Variants in VPS13D observed in about 807,000 individuals in gnomAD.
VPS13D encodes the protein vacuolar protein sorting 13 homolog D.
A neutral mutation model predicts 461.9 loss-of-function variants in VPS13D; 187 were observed. The ratio of observed to expected loss-of-function variants is 0.40; its 90% CI spans 0.36 to 0.46. The LOEUF is 0.46. Ranked by LOEUF, VPS13D falls within the 20% of genes least tolerant of loss-of-function variation. VPS13D has a pLI of 0.60. For synonymous variants in VPS13D, 1,951 were observed against 1,986.3 expected (o/e 0.98, Z 0.47); for missense variants, 4,711 against 5,364.9 (o/e 0.88, Z 3.81).
At chr1:12,400,724 G>A (rs532547290) in intron 61 of VPS13D, among the ~76,000 whole-genome samples, 30 of 152,222 alleles carry the variant, frequency 2.0e-4, no homozygotes, top group South Asian at 1.9e-3. Context: ...AGGCTAAGGC[G>A]GGTGGATCTC....
rs1340422710 is a variant in VPS13D at position 12,282,740 on chromosome 1, A to G, written c.4638A>G (p.Leu1546=). Residue 1546 remains leucine (L), a synonymous_variant, in exon 21 of 70, where the codon TTA becomes TTG. Coordinates refer to ENST00000620676, the MANE Select transcript of VPS13D (RefSeq NM_015378.4). The part of the protein sequence containing the change: ...VLAKHVYEQV[L]QTLDNLVYSE... ...CAAAGCATGTATATGAGCAGGTTTT[A>G]CAAACCCTGGACAATCTCGTGTACA... 1 of 1,612,126 alleles carries G rather than the reference A, an allele frequency of 6.2e-7. No homozygotes were observed. Among genetic ancestry groups the G allele is most frequent in the African/African-American group, 1.3e-5 (1 of 75,002 alleles).
At position 12,356,353 on chromosome 1, in the gene VPS13D, A is replaced by T. The variant is rs374762482; in HGVS notation, c.9872-45A>T. 161 of 1,580,614 alleles carry T rather than the reference A, an allele frequency of 1.0e-4. No individual in the cohort carries two copies. In the African/African-American group the frequency reaches 2.0e-3, roughly 19 times the overall value. On this transcript the variant is annotated intron_variant, in intron 48 of 69. Transcript: ENST00000620676. ...CATTCACCATTTGCATCTCTTTCAG[A>T]TAGACTGGGTGGTATTGATGTAAAC...
intron 40 of VPS13D, 92 bp from the exon 41 acceptor site, chr1:12,341,688 G>A: frequency 2.7e-6 from 3 of 1,124,904 alleles, no homozygotes; most frequent in Non-Finnish European, 3.9e-6. Flanking sequence ...CTTTGCACAA[G>A]AGACAAATTT....
chr1:12,381,930 C>CTTTTCT (rs1644281516), intron 57 of VPS13D, among the ~76,000 whole-genome samples: 2 of 78,548 alleles, frequency 2.5e-5, no homozygotes, highest in Admixed American at 1.4e-4. Flanking sequence ...TCTTTTCTTT[C>CTTTTCT]TTTCTTTCTT....
chr1:12,489,420 A>G (rs142782868), intron 67 of VPS13D, among the ~76,000 whole-genome samples: 3 of 152,246 alleles, frequency 2.0e-5, no homozygotes, highest in African/African-American at 7.2e-5. Context: ...AACAATATCA[A>G]TATAATTTCT....
rs1286286283 is a variant in VPS13D at position 12,435,230 on chromosome 1, G to A, written c.12333+18403G>A. On this transcript the variant is annotated intron_variant, in intron 65 of 69. Transcript: ENST00000620676. ...TACTAATATTTTGGGAGACTGAGGT[G>A]AGCAGATTGCTTGAACTCAGGAGTT... is the stretch of plus-strand genomic sequence containing the variant. Among the ~76,000 whole-genome samples the A allele has an allele frequency of 3.3e-5, 5 of 151,666 alleles. No individual in the cohort carries two copies. In the East Asian group the frequency reaches 9.7e-4, roughly 29 times the overall value.
At chr1:12,452,015 A>G (rs2100383687) in intron 65 of VPS13D, among the ~76,000 whole-genome samples, 1 of 152,320 alleles carries the variant, frequency 6.6e-6, no homozygotes, top group East Asian at 1.9e-4. Context: ...GTGATCTCAT[A>G]GCTGTTGGGT....
At chr1:12,246,229 C>G (rs1283923400) in intron 5 of VPS13D, among the ~76,000 whole-genome samples, 2 of 152,198 alleles carry the variant, frequency 1.3e-5, no homozygotes, top group Non-Finnish European at 1.5e-5. Flanking sequence ...AGGATTCTAT[C>G]CTCCCTCAGA....
chr1:12,431,297 A>T (rs1344612131), intron 65 of VPS13D, among the ~76,000 whole-genome samples: 3 of 152,086 alleles, frequency 2.0e-5, no homozygotes, highest in Admixed American at 6.5e-5. Context: ...AATCGCTGAT[A>T]TTCAGTAGAA....
At chr1:12,388,828 C>T (rs80185310) in intron 60 of VPS13D, among the ~76,000 whole-genome samples, 4,311 of 151,948 alleles carry the variant, frequency 0.028, 111 homozygotes, top group African/African-American at 0.062. Context: ...GATAAAGACA[C>T]AAATAGGTTA....
At chr1:12,351,738 CCCA>C (rs1643800812) in intron 46 of VPS13D, among the ~76,000 whole-genome samples, 1 of 151,210 alleles carries the variant, frequency 6.6e-6, no homozygotes, top group African/African-American at 2.4e-5. Flanking sequence ...ATTACAGGCA[CCCA>C]CCACCACAAC....
chr1:12,253,415 T>C (rs1346911184), intron 6 of VPS13D, among the ~76,000 whole-genome samples: 1 of 152,180 alleles, frequency 6.6e-6, no homozygotes, highest in Non-Finnish European at 1.5e-5. Context: ...CCCGACCATT[T>C]GCCTGAAACT....
Position 12,360,196 on chromosome 1 carries a change from G to C in VPS13D, c.10141+1595G>C, listed in dbSNP as rs1229549809. On this transcript the variant is annotated intron_variant, in intron 50 of 69. Transcript: ENST00000620676. Reference sequence around the variant, plus strand: ...TGTTGATCCACCTAGGGAAGGGATAGAGGGAGTGGGCTAAGATAGGACTTT... The same window carrying C: ...TGTTGATCCACCTAGGGAAGGGATACAGGGAGTGGGCTAAGATAGGACTTT... Among the ~76,000 whole-genome samples the C allele has an allele frequency of 2.6e-5, 4 of 152,270 alleles. No individual in the cohort carries two copies. In the East Asian group the frequency reaches 7.7e-4, roughly 29 times the overall value.
chr1:12,340,780 T>G (rs1557719883), intron 40 of VPS13D, among the ~76,000 whole-genome samples: 1 of 152,218 alleles, frequency 6.6e-6, no homozygotes, highest in East Asian at 1.9e-4. Context: ...CCCTTTTTTT[T>G]GTTGGTTGTG....
intron 63 of VPS13D, among the ~76,000 whole-genome samples, chr1:12,410,114 A>G (rs2101698428): frequency 6.6e-6 from 1 of 152,356 alleles, no homozygotes; most frequent in Non-Finnish European, 1.5e-5. Context: ...CAGAGAAGGG[A>G]CAGGCAGAAA....
At chr1:12,479,546 T>C (rs1041257111) in intron 67 of VPS13D, among the ~76,000 whole-genome samples, 2 of 152,182 alleles carry the variant, frequency 1.3e-5, no homozygotes. Flanking sequence ...ACTTTCCCCA[T>C]TGTACAGATG....
At chr1:12,231,938 A>G (rs1401054315) in intron 1 of VPS13D, among the ~76,000 whole-genome samples, 2 of 152,160 alleles carry the variant, frequency 1.3e-5, no homozygotes, top group African/African-American at 4.8e-5. Flanking sequence ...CAGTGAGCCG[A>G]GATCCGAGAT....
At chr1:12,381,970 CTTT>C (rs1557745633) in intron 57 of VPS13D, among the ~76,000 whole-genome samples, 1 of 131,908 alleles carries the variant, frequency 7.6e-6, no homozygotes, top group Admixed American at 8.1e-5. Flanking sequence ...TTCTTTCTTT[CTTT>C]CTTTCTTTCT....
At chr1:12,312,306 G>A (rs1441591684) in intron 29 of VPS13D, among the ~76,000 whole-genome samples, 1 of 152,174 alleles carries the variant, frequency 6.6e-6, no homozygotes, top group Non-Finnish European at 1.5e-5. Context: ...GTGTTGAATG[G>A]CAACTAAATG....
Sources: gnomAD v4.1 joint callset for allele counts (sites outside exome capture counted in the v4.1 genomes callset) on GRCh38, gnomAD v4.1.1 for gene constraint, MANE v1.5 for transcripts, NCBI Gene and HGNC (gene_info 2026-07-23, HGNC 2026-07-21) for gene names.